Variants in SMCP observed in about 807,000 individuals in gnomAD.
SMCP encodes the protein sperm mitochondrial-associated cysteine-rich protein.
For synonymous variants in SMCP, 41 were observed against 46.9 expected (o/e 0.87, Z 0.51); for missense variants, 137 against 137.1 (o/e 1.00, Z 0.01).
chr1:152,883,750 G>C (rs1349352912), intron 1 of SMCP, among the ~76,000 whole-genome samples: 7 of 152,188 alleles, frequency 4.6e-5, no homozygotes, highest in Non-Finnish European at 2.9e-5. Flanking sequence ...TGGAACTCAA[G>C]TCCTGCCATG....
At chr1:152,880,539 C>T (rs898130345) in intron 1 of SMCP, among the ~76,000 whole-genome samples, 1 of 152,272 alleles carries the variant, frequency 6.6e-6, no homozygotes, top group Non-Finnish European at 1.5e-5. Flanking sequence ...TGTTCTCTCT[C>T]GGGCAAGTCA....
At chr1:152,884,122 GT>G (rs1436664101) in intron 1 of SMCP, among the ~76,000 whole-genome samples, 2 of 152,226 alleles carry the variant, frequency 1.3e-5, no homozygotes, top group African/African-American at 4.8e-5. Flanking sequence ...GGGTCAAACT[GT>G]TTGCTCATTA....
In SMCP at chr1:152,884,472, A is replaced by G; in HGVS notation, c.50A>G (p.Gln17Arg). The G allele has an allele frequency of 1.2e-6, 2 of 1,614,046 alleles. No homozygotes were observed. Among genetic ancestry groups the G allele is most frequent in the Non-Finnish European group, 1.7e-6 (2 of 1,179,914 alleles). The change falls in exon 2 of 2, where the codon CAA becomes CGA. Residue 17 changes from glutamine (Q) to arginine (R), a missense_variant. Coordinates refer to ENST00000368765, the MANE Select transcript of SMCP (RefSeq NM_030663.3). The stretch of plus-strand genomic sequence containing the variant: ...AAATGCTGCCCAGCAAAAGGCAATC[A>G]ATGCTGCCCACCACAGCAGAACCAG... ...HSKCCPAKGN[Q>R]CCPPQQNQCC... is the part of the protein sequence containing the mutation.
Position 152,884,723 on chromosome 1 carries a change from ACCCAGCAGCAGC to A in SMCP, c.306_317del (p.Gln102_Pro105del). Reference sequence around the variant, plus strand: ...GCAAACTCAGGACAAGGGCTGTCAAACCCAGCAGCAGCCCCATAGCCCACAAAATGAGTCCAG... The same window carrying A: ...GCAAACTCAGGACAAGGGCTGTCAAACCCATAGCCCACAAAATGAGTCCAG... On this transcript the variant is annotated inframe_deletion, in exon 2 of 2. Coordinates refer to ENST00000368765, the MANE Select transcript of SMCP (RefSeq NM_030663.3). 1.2e-6 allele frequency: 2 copies of A among 1,614,212 alleles called. No homozygotes were observed. The highest frequency in any genetic ancestry group is 1.7e-6 in the Non-Finnish European group (2 of 1,180,034).
At chr1:152,882,541 G>C (rs1332347249) in intron 1 of SMCP, among the ~76,000 whole-genome samples, 4 of 152,148 alleles carry the variant, frequency 2.6e-5, no homozygotes, top group African/African-American at 7.2e-5. Flanking sequence ...TAACTGTAAA[G>C]ACTCATGAGA....
rs765782311 is a variant in SMCP at position 152,884,805 on chromosome 1, C to G, written c.*32C>G. ...AAGAAGTCAAACAAAGAAGAAGTCC[C>G]TGGGGCCATGCCTTTCACTTTGTAG... On this transcript the variant is annotated 3_prime_UTR_variant, in exon 2 of 2. Coordinates refer to ENST00000368765, the MANE Select transcript of SMCP (RefSeq NM_030663.3). 1.3e-6 allele frequency: 2 copies of G among 1,580,702 alleles called. No homozygotes were observed. Among genetic ancestry groups the G allele is most frequent in the Admixed American group, 1.7e-5 (1 of 58,998 alleles).
At chr1:152,883,480 G>A (rs903821076) in intron 1 of SMCP, among the ~76,000 whole-genome samples, 13 of 152,240 alleles carry the variant, frequency 8.5e-5, no homozygotes, top group South Asian at 2.1e-4. Flanking sequence ...GCCCAGGGAC[G>A]TTCCCAGAAG....
At chr1:152,880,132 A>G (rs911892606) in intron 1 of SMCP, among the ~76,000 whole-genome samples, 1 of 152,184 alleles carries the variant, frequency 6.6e-6, no homozygotes, top group African/African-American at 2.4e-5. Context: ...GAGAGGAAAA[A>G]AAAATAGCAA....
At chr1:152,882,653 T>C (rs1409645126) in intron 1 of SMCP, among the ~76,000 whole-genome samples, 5 of 149,110 alleles carry the variant, frequency 3.4e-5, no homozygotes, top group African/African-American at 5.2e-5. Flanking sequence ...CTACATGCAC[T>C]TAGGTGCACA....
At position 152,884,995 on chromosome 1, in the gene SMCP, T is replaced by C; in HGVS notation, c.*222T>C. ...AGGATGAAGAGGCTAGAATCATCTT[T>C]CCTAGTGATCCTGACATTTAGACAG... On this transcript the variant is annotated 3_prime_UTR_variant, in exon 2 of 2. Coordinates refer to ENST00000368765, the MANE Select transcript of SMCP (RefSeq NM_030663.3). 1 of 576,568 alleles carries C rather than the reference T, an allele frequency of 1.7e-6. No homozygotes were observed. The allele number at this position is 576,568 out of a possible 1,614,324, so 35.7% of individuals were successfully genotyped here. A position where few individuals can be genotyped will look rare whatever the true frequency, so the allele number is the denominator to read the frequency against.
At chr1:152,882,782 G>A (rs965945702) in intron 1 of SMCP, among the ~76,000 whole-genome samples, 5 of 152,168 alleles carry the variant, frequency 3.3e-5, no homozygotes, top group African/African-American at 7.2e-5. Flanking sequence ...ATTGGCTCAC[G>A]CCTGTAATCC....
chr1:152,884,649 C>A lies in SMCP; in HGVS notation c.227C>A (p.Thr76Asn). The A allele has an allele frequency of 1.2e-6, 2 of 1,614,154 alleles. No individual in the cohort carries two copies. Among genetic ancestry groups the A allele is most frequent in the Non-Finnish European group, 1.7e-6 (2 of 1,180,024 alleles). ...CIQARCCGLE[T>N]KPEVSPLNME... ...CAGGCCAGGTGCTGTGGTTTGGAGA[C>A]CAAGCCTGAAGTCTCACCCCTTAAC... Residue 76 changes from threonine to asparagine, a missense_variant, in exon 2 of 2, where the codon ACC (threonine) becomes AAC (asparagine). Physicochemically the swap from Thr to Asn is moderately conservative, Grantham distance 65. Coordinates refer to ENST00000368765, the MANE Select transcript of SMCP (RefSeq NM_030663.3).
intron 1 of SMCP, among the ~76,000 whole-genome samples, chr1:152,879,608 T>A (rs577984159): frequency 3.3e-5 from 5 of 152,186 alleles, no homozygotes; most frequent in Non-Finnish European, 7.4e-5. Context: ...GTTCTGAAAG[T>A]GGAGGATATA....
At chr1:152,882,530 C>A (rs369661623) in intron 1 of SMCP, among the ~76,000 whole-genome samples, 7 of 152,170 alleles carry the variant, frequency 4.6e-5, no homozygotes, top group Non-Finnish European at 1.0e-4. Flanking sequence ...CACACTGGCT[C>A]TAACTGTAAA....
At position 152,884,756 on chromosome 1, in the gene SMCP, T is replaced by C; in HGVS notation, c.334T>C (p.Ser112Pro). Reference sequence around the variant, plus strand: ...GCAGCCCCATAGCCCACAAAATGAGTCCAGGCCAAGCAAATGAGAGCAGAA... The same window carrying C: ...GCAGCCCCATAGCCCACAAAATGAGCCCAGGCCAAGCAAATGAGAGCAGAA... ...QQQPHSPQNE[S>P]RPSK The change falls in exon 2 of 2, where the codon TCC (serine) becomes CCC (proline). Residue 112 changes from serine (S) to proline (P), a missense_variant. Transcript: ENST00000368765. The C allele has an allele frequency of 6.2e-7, 1 of 1,613,578 alleles. No individual in the cohort carries two copies. Among genetic ancestry groups the C allele is most frequent in the Non-Finnish European group, 8.5e-7 (1 of 1,179,748 alleles).
chr1:152,884,242 T>G (rs1649136865), intron 1 of SMCP, among the ~76,000 whole-genome samples, 161 bp from the exon 2 acceptor site: 1 of 152,198 alleles, frequency 6.6e-6, no homozygotes, highest in Non-Finnish European at 1.5e-5. Context: ...AAAGGTAGAA[T>G]TATGGGGCTG....
At chr1:152,881,695 A>C (rs1223323964) in intron 1 of SMCP, among the ~76,000 whole-genome samples, 1 of 90,612 alleles carries the variant, frequency 1.1e-5, no homozygotes, top group Non-Finnish European at 1.7e-5. Context: ...ACTCCGTCTC[A>C]AAAAAAAAAA....
At chr1:152,880,531 TTC>T (rs1315491866) in intron 1 of SMCP, among the ~76,000 whole-genome samples, 1 of 152,166 alleles carries the variant, frequency 6.6e-6, no homozygotes, top group Admixed American at 6.5e-5. Flanking sequence ...CTCCTTCCTG[TTC>T]TCTCTCGGGC....
intron 1 of SMCP, among the ~76,000 whole-genome samples, chr1:152,879,279 G>T (rs1193870021): frequency 6.6e-6 from 1 of 152,184 alleles, no homozygotes; most frequent in Non-Finnish European, 1.5e-5. Flanking sequence ...GGAGTGCAGT[G>T]GTGAGGTCTC....
Sources: allele counts gnomAD v4.1 joint callset (sites outside exome capture counted in the v4.1 genomes callset), GRCh38; gene constraint gnomAD v4.1.1; transcripts MANE v1.5; gene names NCBI Gene and HGNC (gene_info 2026-07-23, HGNC 2026-07-21).